Variants in CCDC191 observed in about 807,000 individuals in gnomAD.
CCDC191 encodes the protein coiled-coil domain containing 191.
A neutral mutation model predicts 114.0 loss-of-function variants in CCDC191; 99 were observed. That is an observed-to-expected ratio of 0.87 (90% CI 0.74 to 1.03). The LOEUF (loss-of-function observed/expected upper bound fraction) is 1.03, where lower values mean the gene tolerates loss of function less well. CCDC191 is among the 50% of genes least tolerant of loss of function. The probability of loss-of-function intolerance (pLI) is 0.00; values close to 1 mark genes in which losing one functional copy is unlikely to be tolerated. For synonymous variants in CCDC191, 351 were observed against 376.0 expected, an observed-to-expected ratio of 0.93 and a Z score of 0.77; for missense variants, 973 against 1,087.0, an observed-to-expected ratio of 0.90 and a Z score of 1.47.
At chr3:113,998,306 C>CAAAA (rs61430954) in intron 13 of CCDC191, among the ~76,000 whole-genome samples, 1 of 82,628 alleles carries the variant, frequency 1.2e-5, no homozygotes, top group Non-Finnish European at 2.4e-5. Context: ...AACTCTGCTT[C>CAAAA]AAAAAAAAAA....
intron 3 of CCDC191, among the ~76,000 whole-genome samples, chr3:114,046,005 G>C (rs776869876): frequency 3.0e-4 from 46 of 152,270 alleles, no homozygotes; most frequent in Non-Finnish European, 5.7e-4. Flanking sequence ...AGAAATAAAT[G>C]GAATAACTGG....
chr3:114,026,114 C>CA (rs899741991), intron 7 of CCDC191, among the ~76,000 whole-genome samples: 11 of 150,914 alleles, frequency 7.3e-5, no homozygotes, highest in Non-Finnish European at 1.3e-4. Context: ...TTTTGAAAGA[C>CA]AAAAAAAATA....
chr3:114,045,325 T>C (rs1030647467), intron 3 of CCDC191, among the ~76,000 whole-genome samples: 1 of 152,014 alleles, frequency 6.6e-6, no homozygotes, highest in Admixed American at 6.6e-5. Flanking sequence ...TGGTTGCCCT[T>C]TTCTCTCTTT....
intron 16 of CCDC191, among the ~76,000 whole-genome samples, chr3:113,968,506 C>G (rs1940456508): frequency 6.6e-6 from 1 of 151,766 alleles, no homozygotes; most frequent in South Asian, 2.1e-4. Context: ...TGGACTGTAG[C>G]AGTGTGATGT....
chr3:113,967,656 C>T (rs995553187), intron 16 of CCDC191, among the ~76,000 whole-genome samples: 1 of 152,104 alleles, frequency 6.6e-6, no homozygotes, highest in African/African-American at 2.4e-5. Flanking sequence ...AAGTTATTCT[C>T]TTCTGGTTAT....
At chr3:113,966,341 C>G (rs1169034324) in intron 16 of CCDC191, among the ~76,000 whole-genome samples, 1 of 152,120 alleles carries the variant, frequency 6.6e-6, no homozygotes, top group Non-Finnish European at 1.5e-5. Context: ...TTATTAGTGT[C>G]CACCACAGCT....
chr3:114,017,704 G>C (rs974878580), intron 8 of CCDC191, among the ~76,000 whole-genome samples: 20 of 152,122 alleles, frequency 1.3e-4, no homozygotes, highest in African/African-American at 4.8e-4. Flanking sequence ...TGGACACAGA[G>C]AGGGGAACAG....
chr3:113,992,445 A>G (rs771438281), intron 13 of CCDC191, among the ~76,000 whole-genome samples: 5 of 152,168 alleles, frequency 3.3e-5, no homozygotes, highest in Non-Finnish European at 7.4e-5. Flanking sequence ...TAAACAACCA[A>G]ATGAACAAAG....
chr3:113,971,157 A>G (rs1359646299), intron 16 of CCDC191, among the ~76,000 whole-genome samples: 10 of 152,164 alleles, frequency 6.6e-5, no homozygotes, highest in African/African-American at 1.4e-4. Context: ...TTCCACAATG[A>G]TTGAACTAGT....
intron 7 of CCDC191, among the ~76,000 whole-genome samples, chr3:114,020,095 C>G (rs2076222149): frequency 6.6e-6 from 1 of 152,060 alleles, no homozygotes. Flanking sequence ...TTGCCAGTTT[C>G]AAGGATTTGC....
At chr3:114,054,291 C>T (rs1271694204) in intron 1 of CCDC191, 1 of 152,110 alleles carries the variant, frequency 6.6e-6, no homozygotes, top group African/African-American at 2.4e-5. Context: ...TGGAGAATTC[C>T]CTCTAATAGT....
At chr3:114,003,614 C>A in intron 11 of CCDC191, 1 of 985,242 alleles carries the variant, frequency 1.0e-6, no homozygotes, top group Non-Finnish European at 1.2e-6. Context: ...AACTCCTTGA[C>A]CAAACAATAA....
chr3:113,978,968 T>C lies in CCDC191; in HGVS notation c.2350A>G (p.Met784Val), dbSNP rs564016706. ...HYSLFLQRKYMLTWFQRSQES... is the reference protein window; with the variant it reads ...HYSLFLQRKYVLTWFQRSQES... ...TGACTACGCTGGAACCACGTCAGCA[T>C]GTATTTCCTCTGCAGGAACAAAGAG... The change falls in exon 15 of 17, where the codon ATG becomes GTG. Residue 784 changes from methionine (M) to valine (V), a missense_variant. By Grantham distance (21) the Met-to-Val change is conservative (BLOSUM62 1). Transcript: ENST00000295878. 4.5e-5 allele frequency: 73 copies of C among 1,613,938 alleles called. No individual in the cohort carries two copies. The highest frequency in any genetic ancestry group is 6.7e-5 in the African/African-American group (5 of 74,936).
rs555653586 is a variant in CCDC191, at chr3:114,044,656, A to G, written c.272-1810T>C. On this transcript the variant is annotated intron_variant, in intron 3 of 16. Transcript: ENST00000295878. ...AGGGGAAGGTAGAGAAAGGGAGAAG[A>G]TATTTACTGAGTAGCCCTTGCATAT... Among the ~76,000 whole-genome samples the G allele has an allele frequency of 2.0e-4, 31 of 152,380 alleles. No individual in the cohort carries two copies. The South Asian group carries it at 2.9e-3, about 14-fold the overall frequency.
intron 1 of CCDC191, 36 bp downstream of exon 1, chr3:114,056,341 A>C: frequency 1.2e-6 from 2 of 1,604,546 alleles, no homozygotes; most frequent in Non-Finnish European, 1.7e-6. Context: ...CGCCTTGGGA[A>C]AGTCCCCGCC....
chr3:113,977,908 G>T (rs1277915656), intron 16 of CCDC191, among the ~76,000 whole-genome samples: 1 of 152,236 alleles, frequency 6.6e-6, no homozygotes, highest in East Asian at 1.9e-4. Context: ...TTGCTTAGGT[G>T]TGTTTCATAT....
chr3:114,013,923 A>G (rs985155962), intron 8 of CCDC191, among the ~76,000 whole-genome samples: 2 of 152,196 alleles, frequency 1.3e-5, no homozygotes, highest in Admixed American at 1.3e-4. Context: ...AGTAAGCCCT[A>G]TTATGCTGCC....
chr3:113,999,893 TA>T (rs2075820460), intron 13 of CCDC191, among the ~76,000 whole-genome samples: 1 of 152,182 alleles, frequency 6.6e-6, no homozygotes, highest in Non-Finnish European at 1.5e-5. Flanking sequence ...TGGAGAAGAG[TA>T]AACATCACAC....
chr3:114,056,278 G>A, intron 1 of CCDC191, 99 bp downstream of exon 1: 2 of 1,138,220 alleles, frequency 1.8e-6, no homozygotes, highest in South Asian at 2.6e-5. Context: ...GTCAGCTCAG[G>A]ATGAAGAGGC....
Sources: gnomAD v4.1 joint callset for allele counts (sites outside exome capture counted in the v4.1 genomes callset) on GRCh38, gnomAD v4.1.1 for gene constraint, MANE v1.5 for transcripts, NCBI Gene and HGNC (gene_info 2026-07-23, HGNC 2026-07-21) for gene names.